Variants in ARHGAP24 observed in about 807,000 individuals in gnomAD.
ARHGAP24 encodes Rho GTPase activating protein 24.
In ARHGAP24, 50 loss-of-function variants were observed where a neutral mutation model predicts 76.4. That is an observed-to-expected ratio of 0.65 (90% confidence interval 0.52 to 0.83). ARHGAP24 has a LOEUF of 0.83. ARHGAP24 is among the 40% of genes least tolerant of loss of function. The probability of loss-of-function intolerance (pLI) is 0.00; values close to 1 mark genes in which losing one functional copy is unlikely to be tolerated. For missense variants in ARHGAP24, 930 were observed against 914.2 expected (o/e 1.02, Z -0.22); for synonymous variants, 345 against 323.3 (o/e 1.07, Z -0.72).
At chr4:85,676,219 T>C (rs1722974415) in intron 2 of ARHGAP24, among the ~76,000 whole-genome samples, 1 of 152,188 alleles carries the variant, frequency 6.6e-6, no homozygotes, top group Non-Finnish European at 1.5e-5. Flanking sequence ...ATAATAAATC[T>C]GTACATAGAA....
chr4:85,545,262 G>A (rs1414797683), intron 1 of ARHGAP24, among the ~76,000 whole-genome samples: 3 of 151,962 alleles, frequency 2.0e-5, no homozygotes, highest in Non-Finnish European at 2.9e-5. Flanking sequence ...ACCACACCGG[G>A]CTAATTTTTG....
intron 2 of ARHGAP24, among the ~76,000 whole-genome samples, chr4:85,596,061 T>G (rs957521393): frequency 6.6e-6 from 1 of 151,738 alleles, no homozygotes; most frequent in African/African-American, 2.4e-5. Flanking sequence ...GGAAATATTA[T>G]TTTGCACATG....
chr4:85,953,721 A>T (rs1737748667), intron 5 of ARHGAP24, among the ~76,000 whole-genome samples: 1 of 151,976 alleles, frequency 6.6e-6, no homozygotes, highest in African/African-American at 2.4e-5. Flanking sequence ...TGCACCCAGC[A>T]GAGAGACTGG....
intron 2 of ARHGAP24, among the ~76,000 whole-genome samples, chr4:85,683,452 T>C (rs1250414713): frequency 2.0e-5 from 3 of 152,218 alleles, no homozygotes; most frequent in African/African-American, 4.8e-5. Flanking sequence ...GTTTGATTGC[T>C]CATTTAACTC....
intron 1 of ARHGAP24, among the ~76,000 whole-genome samples, chr4:85,564,969 T>TATATATATATATAC (rs1553914961): frequency 4.7e-5 from 5 of 105,370 alleles, no homozygotes; most frequent in Non-Finnish European, 9.8e-5. Flanking sequence ...TATATATATA[T>TATATATATATATAC]ACCCACACCC....
chr4:85,710,876 T>C (rs1724502082), intron 2 of ARHGAP24, among the ~76,000 whole-genome samples: 1 of 151,980 alleles, frequency 6.6e-6, no homozygotes, highest in African/African-American at 2.4e-5. Flanking sequence ...AGAACTACCA[T>C]TTGACCCAGC....
intron 3 of ARHGAP24, among the ~76,000 whole-genome samples, chr4:85,782,041 AAAAAAAAAAAG>A (rs1186439220): frequency 8.5e-4 from 69 of 81,254 alleles, no homozygotes; most frequent in Non-Finnish European, 1.4e-3. Flanking sequence ...TATCTCAAAA[AAAAAAAAAAAG>A]AAAAAAAAAA....
intron 5 of ARHGAP24, among the ~76,000 whole-genome samples, 156 bp from the exon 6 acceptor site, chr4:85,971,880 A>C (rs1367139876): frequency 6.6e-6 from 1 of 152,056 alleles, no homozygotes; most frequent in Non-Finnish European, 1.5e-5. Flanking sequence ...GGTGGCATCT[A>C]ATAGGCATCA....
intron 3 of ARHGAP24, among the ~76,000 whole-genome samples, chr4:85,839,138 A>G (rs1263833890): frequency 6.6e-6 from 1 of 152,246 alleles, no homozygotes; most frequent in Non-Finnish European, 1.5e-5. Context: ...CATTACTTTC[A>G]GCAATCATAA....
intron 1 of ARHGAP24, among the ~76,000 whole-genome samples, chr4:85,489,683 A>G (rs1723282308): frequency 6.6e-6 from 1 of 152,122 alleles, no homozygotes; most frequent in Non-Finnish European, 1.5e-5. Flanking sequence ...ACACTGGGTT[A>G]TTTCTGTAGC....
intron 2 of ARHGAP24, among the ~76,000 whole-genome samples, chr4:85,694,589 T>C (rs539890872): frequency 3.3e-4 from 50 of 152,310 alleles, no homozygotes; most frequent in African/African-American, 1.0e-3. Context: ...TTCTATTGTT[T>C]GCAAACATGG....
At chr4:85,797,804 G>T (rs1478419628) in intron 3 of ARHGAP24, among the ~76,000 whole-genome samples, 1 of 152,166 alleles carries the variant, frequency 6.6e-6, no homozygotes, top group East Asian at 1.9e-4. Context: ...GACCTCATTA[G>T]ATATTATGCT....
Position 85,994,621 on chromosome 4 carries a change from A to G in ARHGAP24, c.967A>G (p.Ser323Gly). 6.2e-7 allele frequency: 1 copy of G among 1,614,224 alleles called. No homozygotes were observed. The highest frequency in any genetic ancestry group is 8.5e-7 in the Non-Finnish European group (1 of 1,180,032). Residue 323 changes from serine to glycine, a missense_variant, in exon 9 of 10, where the codon AGC becomes GGC. Transcript: ENST00000395184. ...CCAGCAGTTGATGTCAGTGATGATT[A>G]GCAAACATGATTGCCTCTTTCCCAA... ...VVQQLMSVMI[S>G]KHDCLFPKDA...
intron 3 of ARHGAP24, among the ~76,000 whole-genome samples, chr4:85,776,337 T>C (rs1727308463): frequency 6.6e-6 from 1 of 152,182 alleles, no homozygotes; most frequent in Admixed American, 6.6e-5. Flanking sequence ...AGGGCAAATC[T>C]TCAAAATACA....
chr4:85,503,262 C>A (rs1293077078), intron 1 of ARHGAP24, among the ~76,000 whole-genome samples: 1 of 152,128 alleles, frequency 6.6e-6, no homozygotes, highest in Non-Finnish European at 1.5e-5. Context: ...CCCTCTTTTT[C>A]TATTGATTGG....
rs150761003 is a variant in ARHGAP24 at position 85,475,199 on chromosome 4, C to T, written c.-381C>T. On this transcript the variant is annotated 5_prime_UTR_variant, in exon 1 of 10. Coordinates refer to ENST00000395184, the MANE Select transcript of ARHGAP24 (RefSeq NM_001025616.3). The stretch of plus-strand genomic sequence containing the variant: ...CGCAACTGCTAGGATTTCTCAAGTG[C>T]ATGTGGCAACACAGCCCAGCTCCGG... The T allele has an allele frequency of 5.9e-3, 894 of 152,650 alleles. 10 individuals are homozygous for T. The highest frequency in any genetic ancestry group is 0.013 in the Middle Eastern group (4 of 300). 9.5% of individuals were successfully genotyped at this position (152,650 alleles called of 1,614,324 possible).
intron 3 of ARHGAP24, among the ~76,000 whole-genome samples, chr4:85,750,842 A>T (rs1726234809): frequency 6.6e-6 from 1 of 152,150 alleles, no homozygotes; most frequent in East Asian, 1.9e-4. Flanking sequence ...TTCCACTAAA[A>T]AATGTTCCTC....
At chr4:85,669,313 G>A (rs1560577841) in intron 2 of ARHGAP24, among the ~76,000 whole-genome samples, 1 of 152,050 alleles carries the variant, frequency 6.6e-6, no homozygotes, top group Non-Finnish European at 1.5e-5. Flanking sequence ...CTATAAGCCT[G>A]ATTTAGGTTT....
chr4:85,623,846 T>G (rs1397740603), intron 2 of ARHGAP24, among the ~76,000 whole-genome samples: 3 of 146,378 alleles, frequency 2.0e-5, no homozygotes, highest in Admixed American at 7.1e-5. Flanking sequence ...TTATTCTCTT[T>G]GAAGCAATTG....
Sources: allele counts gnomAD v4.1 joint callset (sites outside exome capture counted in the v4.1 genomes callset), GRCh38; gene constraint gnomAD v4.1.1; transcripts MANE v1.5; gene names NCBI Gene and HGNC (gene_info 2026-07-23, HGNC 2026-07-21).